The following ROR1 variants were observed in gnomAD, a reference collection of about 807,000 sequenced individuals.
ROR1 encodes the protein inactive tyrosine-protein kinase transmembrane receptor ROR1.
In ROR1, 19 loss-of-function variants were observed where a neutral mutation model predicts 78.8. The ratio of observed to expected loss-of-function variants is 0.24; its 90% CI spans 0.17 to 0.35. The LOEUF (loss-of-function observed/expected upper bound fraction) is 0.35, where lower values mean the gene tolerates loss of function less well. Among genes scored for constraint, ROR1 ranks in the 10% least tolerant of loss-of-function variants. The pLI is 1.00. For synonymous variants in ROR1, 386 were observed against 433.6 expected, an observed-to-expected ratio of 0.89 and a Z score of 1.36; for missense variants, 917 against 1,177.8, an observed-to-expected ratio of 0.78 and a Z score of 3.24.
chr1:63,823,874 A>G (rs1644938495), intron 1 of ROR1, among the ~76,000 whole-genome samples: 1 of 151,414 alleles, frequency 6.6e-6, no homozygotes, highest in Non-Finnish European at 1.5e-5. Flanking sequence ...CAGCCTCTCT[A>G]GTAGCTGAGA....
intron 1 of ROR1, among the ~76,000 whole-genome samples, chr1:63,955,549 A>G (rs1026950632): frequency 1.3e-5 from 2 of 152,200 alleles, no homozygotes; most frequent in African/African-American, 4.8e-5. Flanking sequence ...TTTTGAGCTG[A>G]AAGGGGGCGT....
chr1:64,055,701 T>C, intron 4 of ROR1, among the ~76,000 whole-genome samples: 1 of 152,232 alleles, frequency 6.6e-6, no homozygotes, highest in East Asian at 1.9e-4. Context: ...TCTCTTTTTT[T>C]AATAACAGTT....
Position 64,070,460 on chromosome 1 carries a change from C to T in ROR1, c.482+19744C>T, listed in dbSNP as rs373652227. On this transcript the variant is annotated intron_variant, in intron 4 of 8. Transcript: ENST00000371079. Reference sequence around the variant, plus strand: ...TGTCCCAAGTAGCTAGGTCTACAGGCGTGCACCACCACACCCAGTTAAAAT... The same window carrying T: ...TGTCCCAAGTAGCTAGGTCTACAGGTGTGCACCACCACACCCAGTTAAAAT... 2.4e-4 allele frequency among the ~76,000 whole-genome samples: 37 copies of T among 152,214 alleles called. No homozygotes were observed. The East Asian group carries it at 2.5e-3, about 10-fold the overall frequency.
chr1:64,104,896 A>G (rs535239191), intron 4 of ROR1, among the ~76,000 whole-genome samples: 25 of 152,248 alleles, frequency 1.6e-4, no homozygotes, highest in African/African-American at 6.0e-4. Context: ...TGTCTTTGCT[A>G]TTGTAAATAG....
At chr1:63,918,635 T>C (rs967154031) in intron 1 of ROR1, among the ~76,000 whole-genome samples, 7 of 152,198 alleles carry the variant, frequency 4.6e-5, no homozygotes, top group Non-Finnish European at 1.0e-4. Flanking sequence ...AAACAGGGCT[T>C]TTCTTTAATT....
chr1:63,893,613 A>C (rs1645416759), intron 1 of ROR1, among the ~76,000 whole-genome samples: 1 of 151,262 alleles, frequency 6.6e-6, no homozygotes, highest in African/African-American at 2.4e-5. Flanking sequence ...GGACATATGG[A>C]CTCTTATTTT....
chr1:63,946,498 G>T (rs1466056021), intron 1 of ROR1, among the ~76,000 whole-genome samples: 1 of 152,140 alleles, frequency 6.6e-6, no homozygotes, highest in Non-Finnish European at 1.5e-5. Flanking sequence ...TGATATATAG[G>T]TACAGTGTGG....
rs3084938 is a variant in ROR1, at chr1:64,118,632, CAAAAAAAAAAA to C, written c.483-18718_483-18708del. Among the ~76,000 whole-genome samples the C allele has an allele frequency of 2.7e-3, 181 of 65,832 alleles. 2 individuals are homozygous for C. In the South Asian group the frequency reaches 0.028, roughly 10 times the overall value. 43.2% of individuals were successfully genotyped at this position (65,832 alleles called of 152,430 possible). ...TGAGCTACAGAGCGAGACTCCATCTCAAAAAAAAAAAAAAAAAAAAAAAAAAAAAGAATTAG... is the reference window on the plus strand; with the variant it reads ...TGAGCTACAGAGCGAGACTCCATCTCAAAAAAAAAAAAAAAAAAGAATTAG... On this transcript the variant is annotated intron_variant, in intron 4 of 8. Coordinates refer to ENST00000371079, the MANE Select transcript of ROR1 (RefSeq NM_005012.4).
At chr1:64,022,845 G>C (rs1646575698) in intron 2 of ROR1, among the ~76,000 whole-genome samples, 1 of 152,160 alleles carries the variant, frequency 6.6e-6, no homozygotes, top group Non-Finnish European at 1.5e-5. Flanking sequence ...TGAAATCTTG[G>C]TAAAGTGTCT....
intron 1 of ROR1, among the ~76,000 whole-genome samples, chr1:63,902,477 C>T (rs551891692): frequency 6.6e-6 from 1 of 151,156 alleles, no homozygotes; most frequent in East Asian, 1.9e-4. Context: ...GCCACCATGC[C>T]CAGCTATTTT....
chr1:63,940,960 C>T (rs1645834422), intron 1 of ROR1, among the ~76,000 whole-genome samples: 1 of 152,060 alleles, frequency 6.6e-6, no homozygotes, highest in Admixed American at 6.6e-5. Context: ...CTGCGTAACC[C>T]GAATTTAATC....
intron 7 of ROR1, among the ~76,000 whole-genome samples, chr1:64,152,099 G>T (rs529773807): frequency 6.6e-6 from 1 of 152,012 alleles, no homozygotes; most frequent in African/African-American, 2.4e-5. Flanking sequence ...ACCAAAACTC[G>T]TATGCAAAAT....
At chr1:63,800,098 G>C (rs1321580913) in intron 1 of ROR1, among the ~76,000 whole-genome samples, 1 of 152,146 alleles carries the variant, frequency 6.6e-6, no homozygotes, top group African/African-American at 2.4e-5. Context: ...GCTCAAAGAT[G>C]GGGATGCTTC....
In ROR1 at chr1:63,907,266, T is replaced by A. The variant is rs574745805; in HGVS notation, c.92-102039T>A. Among the ~76,000 whole-genome samples, 4 of 152,256 alleles carry A rather than the reference T, an allele frequency of 2.6e-5. No individual in the cohort carries two copies. In the South Asian group the frequency reaches 6.2e-4, roughly 24 times the overall value. The stretch of plus-strand genomic sequence containing the variant: ...AGCACGTTGGACAGGGACTTGGCGA[T>A]GTTGGCAAATAATAAGCATGGGGCT... On this transcript the variant is annotated intron_variant, in intron 1 of 8. Transcript: ENST00000371079.
intron 8 of ROR1, among the ~76,000 whole-genome samples, chr1:64,168,171 G>C (rs1335401931): frequency 6.6e-6 from 1 of 152,214 alleles, no homozygotes; most frequent in African/African-American, 2.4e-5. Flanking sequence ...AAGGAGTATA[G>C]TGTGGTCATT....
chr1:63,869,386 G>A (rs1429704553), intron 1 of ROR1, among the ~76,000 whole-genome samples: 1 of 152,190 alleles, frequency 6.6e-6, no homozygotes, highest in African/African-American at 2.4e-5. Context: ...AGCTCATTGT[G>A]ACTGGGCCAA....
chr1:63,985,228 G>A (rs1646241243), intron 1 of ROR1, among the ~76,000 whole-genome samples: 1 of 152,138 alleles, frequency 6.6e-6, no homozygotes. Context: ...AACGAAGCTT[G>A]TGAAAAGTAC....
At chr1:64,103,340 C>CAA (rs10706620) in intron 4 of ROR1, among the ~76,000 whole-genome samples, 1 of 138,330 alleles carries the variant, frequency 7.2e-6, no homozygotes, top group African/African-American at 2.7e-5. Context: ...AGTTCAAATG[C>CAA]AAAAAAAAAA....
chr1:64,174,996 C>T (rs1020038101), intron 8 of ROR1, among the ~76,000 whole-genome samples: 2 of 147,912 alleles, frequency 1.4e-5, no homozygotes, highest in Admixed American at 6.7e-5. Context: ...TGGGAAGATT[C>T]GCCTATTGTT....
Sources: gnomAD v4.1 joint callset for allele counts (sites outside exome capture counted in the v4.1 genomes callset) on GRCh38, gnomAD v4.1.1 for gene constraint, MANE v1.5 for transcripts, NCBI Gene and HGNC (gene_info 2026-07-23, HGNC 2026-07-21) for gene names.